CNTLN: variants seen among roughly 807,000 people sequenced by gnomAD.
CNTLN encodes centlein, centrosomal protein.
A neutral mutation model predicts 180.0 loss-of-function variants in CNTLN; 212 were observed. The observed-to-expected ratio is 1.18, with a 90% confidence interval of 1.05 to 1.32. The LOEUF (loss-of-function observed/expected upper bound fraction) is 1.32, where lower values mean the gene tolerates loss of function less well. Among genes scored for constraint, CNTLN ranks in the 40% most tolerant of loss-of-function variants. CNTLN has a pLI of 0.00. For synonymous variants in CNTLN, 722 were observed against 563.1 expected, an observed-to-expected ratio of 1.28 and a Z score of -3.99; for missense variants, 2,095 against 1,610.9, an observed-to-expected ratio of 1.30 and a Z score of -5.14.
chr9:17,199,752 T>C (rs1199339786), intron 2 of CNTLN, among the ~76,000 whole-genome samples: 1 of 152,176 alleles, frequency 6.6e-6, no homozygotes, highest in African/African-American at 2.4e-5. Context: ...TTTTGTCAGA[T>C]GACTAGATTG....
intron 13 of CNTLN, among the ~76,000 whole-genome samples, chr9:17,371,867 G>C (rs568315995): frequency 6.6e-6 from 1 of 152,010 alleles, no homozygotes; most frequent in Non-Finnish European, 1.5e-5. Flanking sequence ...TGAATGACCC[G>C]TGTGTCAATG....
chr9:17,510,023 T>A, the CNTLN span, among the ~76,000 whole-genome samples: 1 of 151,674 alleles, frequency 6.6e-6, no homozygotes, highest in East Asian at 1.9e-4. Context: ...ACAATGGAGG[T>A]AAGGAAGAAT....
In CNTLN at chr9:17,340,823, A is replaced by G. The variant is rs1821420798; in HGVS notation, c.1645-4A>G. 1 of 1,608,380 alleles carries G rather than the reference A, an allele frequency of 6.2e-7. No individual in the cohort carries two copies. On this transcript the variant is annotated splice_region_variant and splice_polypyrimidine_tract_variant and intron_variant, in intron 10 of 25. Transcript: ENST00000380647. Reference sequence around the variant, plus strand: ...ATATATACTTGCTTTTTTGTGTTCTACAGAGCCAAGAAAATGATGAGCTAA... The same window carrying G: ...ATATATACTTGCTTTTTTGTGTTCTGCAGAGCCAAGAAAATGATGAGCTAA...
chr9:17,307,564 C>G (rs891531425), intron 7 of CNTLN, among the ~76,000 whole-genome samples: 1 of 151,770 alleles, frequency 6.6e-6, no homozygotes, highest in Admixed American at 6.6e-5. Context: ...GCCACCTTCC[C>G]AGCCAGAGAT....
chr9:17,356,013 G>A (rs1439264368), intron 12 of CNTLN, among the ~76,000 whole-genome samples: 1 of 146,184 alleles, frequency 6.8e-6, no homozygotes, highest in Non-Finnish European at 1.5e-5. Context: ...GCAGTGAGCC[G>A]AGATCACGCC....
At chr9:17,137,010 CT>C (rs1212316414) in intron 1 of CNTLN, among the ~76,000 whole-genome samples, 1 of 152,170 alleles carries the variant, frequency 6.6e-6, no homozygotes, top group African/African-American at 2.4e-5. Flanking sequence ...AGCTAAGATA[CT>C]TTTTTATGAC....
chr9:17,496,650 C>T (rs926225898), intron 25 of CNTLN, among the ~76,000 whole-genome samples: 10 of 152,186 alleles, frequency 6.6e-5, no homozygotes, highest in African/African-American at 2.2e-4. Context: ...TTCCTGAACT[C>T]GGAGTTTGTA....
intron 10 of CNTLN, 108 bp downstream of exon 10, chr9:17,332,838 A>G: frequency 2.6e-6 from 2 of 764,358 alleles, no homozygotes; most frequent in Non-Finnish European, 3.7e-6. Context: ...TCCTGAATTT[A>G]ATTGCCTGTA....
At chr9:17,215,479 A>T (rs898031525) in intron 2 of CNTLN, among the ~76,000 whole-genome samples, 1 of 152,212 alleles carries the variant, frequency 6.6e-6, no homozygotes, top group African/African-American at 2.4e-5. Context: ...GGTGCCTCCC[A>T]GTTAGGCTAC....
chr9:17,428,638 C>T (rs1019157034), intron 18 of CNTLN, among the ~76,000 whole-genome samples: 10 of 151,986 alleles, frequency 6.6e-5, no homozygotes, highest in African/African-American at 2.4e-4. Flanking sequence ...TAATTATTCT[C>T]ATTGAAAAAA....
intron 2 of CNTLN, among the ~76,000 whole-genome samples, chr9:17,145,338 A>G (rs1350588096): frequency 6.6e-6 from 1 of 152,234 alleles, no homozygotes; most frequent in Non-Finnish European, 1.5e-5. Context: ...TTATAATTTT[A>G]TGACTATGTA....
intron 6 of CNTLN, among the ~76,000 whole-genome samples, chr9:17,296,884 A>G (rs1817984433): frequency 6.6e-6 from 1 of 152,224 alleles, no homozygotes; most frequent in Admixed American, 6.5e-5. Flanking sequence ...CCTTGCTCCC[A>G]TACTAATTTT....
rs574797570 is a variant in CNTLN, at chr9:17,175,813, A to G, written c.449+32437A>G. 9.9e-4 allele frequency among the ~76,000 whole-genome samples: 150 copies of G among 152,194 alleles called. 1 individual carries two copies. Among genetic ancestry groups the G allele is most frequent in the South Asian group, 7.0e-3 (34 of 4,828 alleles). ...CTTTCACTACCATTTTGTAGTTTTC[A>G]GCATGCAAGTCCTATATATTGTTAG... On this transcript the variant is annotated intron_variant, in intron 2 of 25. Coordinates refer to ENST00000380647, the MANE Select transcript of CNTLN (RefSeq NM_017738.4).
At chr9:17,474,617 C>T (rs941988573) in intron 23 of CNTLN, among the ~76,000 whole-genome samples, 1 of 152,096 alleles carries the variant, frequency 6.6e-6, no homozygotes, top group Non-Finnish European at 1.5e-5. Context: ...GCCTGTAATC[C>T]CAGCACTTTG....
At chr9:17,452,105 A>G (rs1830816460) in intron 18 of CNTLN, among the ~76,000 whole-genome samples, 1 of 151,922 alleles carries the variant, frequency 6.6e-6, no homozygotes, top group Admixed American at 6.5e-5. Context: ...CTTTAGAGAC[A>G]TCAAGATCAG....
chr9:17,469,486 C>T (rs1190392427), intron 23 of CNTLN, among the ~76,000 whole-genome samples: 2 of 151,714 alleles, frequency 1.3e-5, no homozygotes, highest in Non-Finnish European at 3.0e-5. Context: ...TCTTTCTTGT[C>T]CTTGCACATA....
intron 23 of CNTLN, among the ~76,000 whole-genome samples, chr9:17,478,529 CT>C (rs976694894): frequency 8.5e-4 from 122 of 143,852 alleles, no homozygotes; most frequent in Non-Finnish European, 5.8e-4. Context: ...GGAGTTTTTT[CT>C]TTTTTTTTTT....
chr9:17,402,813 A>G (rs969067112), intron 15 of CNTLN, among the ~76,000 whole-genome samples: 1 of 151,896 alleles, frequency 6.6e-6, no homozygotes, highest in Non-Finnish European at 1.5e-5. Context: ...AAGCTACACC[A>G]TTAGTTCTCC....
At chr9:17,230,414 T>TG (rs1824738282) in intron 3 of CNTLN, among the ~76,000 whole-genome samples, 1 of 147,676 alleles carries the variant, frequency 6.8e-6, no homozygotes, top group East Asian at 2.0e-4. Context: ...GAGGAAGCGG[T>TG]CTGTAGTGTT....
Sources: allele counts gnomAD v4.1 joint callset (sites outside exome capture counted in the v4.1 genomes callset), GRCh38; gene constraint gnomAD v4.1.1; transcripts MANE v1.5; gene names NCBI Gene and HGNC (gene_info 2026-07-23, HGNC 2026-07-21).